Variants in BCL11B observed in about 807,000 individuals in gnomAD.
BCL11B encodes the protein BCL11 transcription factor B.
BCL11B carries 8 observed loss-of-function variants against 49.9 expected under a neutral mutation model. The observed-to-expected ratio is 0.16, with a 90% CI of 0.09 to 0.29. BCL11B has a LOEUF of 0.29. Ranked by LOEUF, BCL11B falls within the 10% of genes least tolerant of loss-of-function variation. The pLI is 1.00. For missense variants in BCL11B, 1,006 were observed against 1,351.0 expected (o/e 0.74, Z 4.00); for synonymous variants, 739 against 637.4 (o/e 1.16, Z -2.40).
chr14:99,269,607 G>A (rs1388082946), intron 1 of BCL11B, among the ~76,000 whole-genome samples: 1 of 151,498 alleles, frequency 6.6e-6, no homozygotes, highest in East Asian at 1.9e-4. Flanking sequence ...CAATTGCTCC[G>A]AGCAGATGGC....
intron 2 of BCL11B, among the ~76,000 whole-genome samples, chr14:99,254,297 A>C (rs1166004990): frequency 6.6e-6 from 1 of 152,188 alleles, no homozygotes; most frequent in Non-Finnish European, 1.5e-5. Flanking sequence ...TACTCTCCAG[A>C]ATGACTATCC....
At position 99,205,480 on chromosome 14, in the gene BCL11B, G is replaced by A. The variant is rs1595244533; in HGVS notation, c.640+25865C>T. On this transcript the variant is annotated intron_variant, in intron 3 of 3. Coordinates refer to ENST00000357195, the MANE Select transcript of BCL11B (RefSeq NM_138576.4). This position sits in a 1 kb window ranked among gnomAD's most constrained non-coding sequence, Gnocchi z 5.0. Reference sequence around the variant, plus strand: ...AAATGCGCCCAAGGACCAGGCGCTCGCTACACCAGCATGCCAGGAAAGGGG... The same window carrying A: ...AAATGCGCCCAAGGACCAGGCGCTCACTACACCAGCATGCCAGGAAAGGGG... 1.3e-5 allele frequency among the ~76,000 whole-genome samples: 2 copies of A among 152,284 alleles called. No individual in the cohort carries two copies. The highest frequency in any genetic ancestry group is 4.1e-4 in the South Asian group (2 of 4,822).
At chr14:99,226,895 C>T (rs1888176835) in intron 3 of BCL11B, among the ~76,000 whole-genome samples, 1 of 152,240 alleles carries the variant, frequency 6.6e-6, no homozygotes, top group African/African-American at 2.4e-5. Flanking sequence ...AGCACAATTT[C>T]AGTAGAAAAG....
rs1401256131 is a variant in BCL11B, at chr14:99,272,092, C to T, written c.-874G>A. On this transcript the variant is annotated 5_prime_UTR_variant, in exon 1 of 4. Coordinates refer to ENST00000357195, the MANE Select transcript of BCL11B (RefSeq NM_138576.4). This position sits in a 1 kb window ranked among gnomAD's most constrained non-coding sequence, Gnocchi z 6.0. ...GGGGGAGCGGGGCGGAGGGGCGGCT[C>T]GCCCAGTGCGCCTGGGTCGGTGCGG... 3.3e-5 allele frequency among the ~76,000 whole-genome samples: 5 copies of T among 151,908 alleles called. No individual in the cohort carries two copies. The highest frequency in any genetic ancestry group is 7.4e-5 in the Non-Finnish European group (5 of 67,946).
At position 99,202,565 on chromosome 14, in the gene BCL11B, G is replaced by A. The variant is rs572045514; in HGVS notation, c.641-26370C>T. On this transcript the variant is annotated intron_variant, in intron 3 of 3. Coordinates refer to ENST00000357195, the MANE Select transcript of BCL11B (RefSeq NM_138576.4). ...AGACAGCTTCCTCCTGAAGCCATGC[G>A]CAAGGCAACGCAAGGAGTGCCCTGA... Among the ~76,000 whole-genome samples, 6 of 152,318 alleles carry A rather than the reference G, an allele frequency of 3.9e-5. No individual in the cohort carries two copies. The South Asian group carries it at 6.2e-4, about 16-fold the overall frequency.
chr14:99,230,616 A>G (rs1345586965), intron 3 of BCL11B, among the ~76,000 whole-genome samples: 1 of 152,206 alleles, frequency 6.6e-6, no homozygotes, highest in Admixed American at 6.5e-5. Flanking sequence ...GGGGAGAAGC[A>G]GGGCAGGTAG....
rs530565708 is a variant in BCL11B at position 99,172,844 on chromosome 14, G to C, written c.*1307C>G. The C allele has an allele frequency of 4.5e-5, 10 of 222,934 alleles. No individual in the cohort carries two copies. The East Asian group carries it at 5.2e-4, about 11-fold the overall frequency. The allele number at this position is 222,934 out of a possible 1,614,324, so 13.8% of individuals were successfully genotyped here. A position where few individuals can be genotyped will look rare whatever the true frequency, so the allele number is the denominator to read the frequency against. On this transcript the variant is annotated 3_prime_UTR_variant, in exon 4 of 4. Coordinates refer to ENST00000357195, the MANE Select transcript of BCL11B (RefSeq NM_138576.4). Reference sequence around the variant, plus strand: ...TAGTACCTTCCAACCTAATGAGATAGGAAAAAAAAAATAAAAACCTGGGAA... The same window carrying C: ...TAGTACCTTCCAACCTAATGAGATACGAAAAAAAAAATAAAAACCTGGGAA...
rs780860257 is a variant in BCL11B at position 99,175,618 on chromosome 14, C to T, written c.1218G>A (p.Thr406=). 12 of 1,560,600 alleles carry T rather than the reference C, an allele frequency of 7.7e-6. 1 individual carries two copies. In the South Asian group the frequency reaches 1.1e-4, roughly 14 times the overall value. The change falls in exon 4 of 4, where the codon ACG becomes ACA. Residue 406 remains threonine (T), a synonymous_variant. Coordinates refer to ENST00000357195, the MANE Select transcript of BCL11B (RefSeq NM_138576.4). ...QPSPKSPFLS[T]PPLPPMPPGG... ...CAGGGGGCATGGGCGGCAGCGGCGGCGTGCTCAGGAACGGGGACTTGGGGC... is the reference window on the plus strand; with the variant it reads ...CAGGGGGCATGGGCGGCAGCGGCGGTGTGCTCAGGAACGGGGACTTGGGGC...
intron 3 of BCL11B, among the ~76,000 whole-genome samples, chr14:99,215,293 C>T (rs1033599217): frequency 6.6e-6 from 1 of 152,200 alleles, no homozygotes; most frequent in Non-Finnish European, 1.5e-5. Flanking sequence ...AACTGGCATG[C>T]CTGAGCCGAC....
chr14:99,212,840 C>T (rs1289825567), intron 3 of BCL11B, among the ~76,000 whole-genome samples: 1 of 152,204 alleles, frequency 6.6e-6, no homozygotes, highest in Non-Finnish European at 1.5e-5. Context: ...TCTCCAACCT[C>T]CCCCACCTGC....
intron 2 of BCL11B, among the ~76,000 whole-genome samples, chr14:99,243,886 C>T (rs1000392311): frequency 5.8e-5 from 8 of 136,980 alleles, no homozygotes; most frequent in Non-Finnish European, 1.1e-4. Context: ...CAGAACCCCC[C>T]ATTTCCAGGC....
At position 99,257,876 on chromosome 14, in the gene BCL11B, G is replaced by T. The variant is rs889142445; in HGVS notation, c.59-37C>A. Reference sequence around the variant, plus strand: ...AAGAAGAAAGGGAAGGGGCAGAGAAGATAGAGATGGGCTTAGGCGGTCACA... The same window carrying T: ...AAGAAGAAAGGGAAGGGGCAGAGAATATAGAGATGGGCTTAGGCGGTCACA... On this transcript the variant is annotated intron_variant, in intron 1 of 3. Transcript: ENST00000357195. This position sits in a 1 kb window ranked among gnomAD's most constrained non-coding sequence, Gnocchi z 6.2. 2.0e-6 allele frequency: 3 copies of T among 1,489,336 alleles called. No individual in the cohort carries two copies. Among genetic ancestry groups the T allele is most frequent in the Non-Finnish European group, 2.7e-6 (3 of 1,117,670 alleles). 92.3% of individuals were successfully genotyped at this position (1,489,336 alleles called of 1,614,324 possible).
At chr14:99,182,920 T>A (rs2035406955) in intron 3 of BCL11B, among the ~76,000 whole-genome samples, 2 of 152,256 alleles carry the variant, frequency 1.3e-5, no homozygotes, top group African/African-American at 2.4e-5. Flanking sequence ...TTGGGCTGAA[T>A]GAGCGTGGTA....
rs528723755 is a variant in BCL11B at position 99,176,688 on chromosome 14, T to A, written c.641-493A>T. ...TCCTAATTCTTTGGGCGGTGGGGGCTGTCCTGCGCATTGCAGGATGTTTAG... is the reference window on the plus strand; with the variant it reads ...TCCTAATTCTTTGGGCGGTGGGGGCAGTCCTGCGCATTGCAGGATGTTTAG... On this transcript the variant is annotated intron_variant, in intron 3 of 3. Transcript: ENST00000357195. Among the ~76,000 whole-genome samples the A allele has an allele frequency of 1.4e-4, 21 of 152,186 alleles. No homozygotes were observed. The South Asian group carries it at 4.4e-3, about 32-fold the overall frequency.
At chr14:99,256,021 G>A (rs987522151) in intron 2 of BCL11B, among the ~76,000 whole-genome samples, 5 of 152,248 alleles carry the variant, frequency 3.3e-5, no homozygotes, top group Non-Finnish European at 5.9e-5. Context: ...CCACAAAAGA[G>A]AGGGCTCACT....
Position 99,213,360 on chromosome 14 carries a change from G to A in BCL11B, c.640+17985C>T, listed in dbSNP as rs568936162. ...GCAGAGGCTGCCACCCAGAATGCCC[G>A]GCACGTTATTCAGCAATGAGGTATA... On this transcript the variant is annotated intron_variant, in intron 3 of 3. Transcript: ENST00000357195. This position sits in a 1 kb window ranked among gnomAD's most constrained non-coding sequence, Gnocchi z 5.1. Among the ~76,000 whole-genome samples, 5 of 152,232 alleles carry A rather than the reference G, an allele frequency of 3.3e-5. No individual in the cohort carries two copies. Among genetic ancestry groups the A allele is most frequent in the East Asian group, 3.9e-4 (2 of 5,170 alleles).
chr14:99,179,780 T>C (rs568385361), intron 3 of BCL11B, among the ~76,000 whole-genome samples: 33 of 152,200 alleles, frequency 2.2e-4, no homozygotes, highest in African/African-American at 7.5e-4. Flanking sequence ...CCTAGACAAC[T>C]TTCTTTCCAG....
At chr14:99,204,563 C>G (rs927573041) in intron 3 of BCL11B, among the ~76,000 whole-genome samples, 1 of 152,134 alleles carries the variant, frequency 6.6e-6, no homozygotes, top group African/African-American at 2.4e-5. Flanking sequence ...CCACTCCACC[C>G]CACATTGCTC....
At chr14:99,204,555 A>G (rs528217511) in intron 3 of BCL11B, among the ~76,000 whole-genome samples, 1 of 151,342 alleles carries the variant, frequency 6.6e-6, no homozygotes, top group Non-Finnish European at 1.5e-5. Context: ...GCCAACACCC[A>G]CTCCACCCCA....
Sources: allele counts gnomAD v4.1 joint callset (sites outside exome capture counted in the v4.1 genomes callset), GRCh38; gene constraint gnomAD v4.1.1; non-coding constraint Gnocchi (gnomAD v3.1); transcripts MANE v1.5; gene names NCBI Gene and HGNC (gene_info 2026-07-23, HGNC 2026-07-21).